Variants in GPHN observed in about 807,000 individuals in gnomAD.
GPHN encodes gephyrin.
A neutral mutation model predicts 95.5 loss-of-function variants in GPHN; 17 were observed. That is an observed-to-expected ratio of 0.18 (90% CI 0.12 to 0.27). The LOEUF (loss-of-function observed/expected upper bound fraction) is 0.27, where lower values mean the gene tolerates loss of function less well. Ranked by LOEUF, GPHN falls within the 10% of genes least tolerant of loss-of-function variation. GPHN has a pLI of 1.00. For synonymous variants in GPHN, 320 were observed against 322.5 expected, an observed-to-expected ratio of 0.99 and a Z score of 0.08; for missense variants, 660 against 978.1, an observed-to-expected ratio of 0.67 and a Z score of 4.34.
intron 8 of GPHN, among the ~76,000 whole-genome samples, chr14:66,955,616 A>G (rs1172187820): frequency 6.6e-6 from 1 of 152,144 alleles, no homozygotes; most frequent in Non-Finnish European, 1.5e-5. Context: ...TTTGTTACAT[A>G]TGTATACATG....
At chr14:67,560,095 C>G in the GPHN span, among the ~76,000 whole-genome samples, 1 of 152,164 alleles carries the variant, frequency 6.6e-6, no homozygotes, top group African/African-American at 2.4e-5. Flanking sequence ...GGCGCAATCT[C>G]GGCTTACCGC....
chr14:67,401,095 A>G, the GPHN span, among the ~76,000 whole-genome samples: 9 of 152,146 alleles, frequency 5.9e-5, no homozygotes, highest in South Asian at 2.1e-4. Flanking sequence ...TGAGACTGGG[A>G]ATGTATTTGG....
At chr14:67,266,855 A>G in the GPHN span, among the ~76,000 whole-genome samples, 1 of 152,004 alleles carries the variant, frequency 6.6e-6, no homozygotes, top group Non-Finnish European at 1.5e-5. Flanking sequence ...CATGCCTGTA[A>G]TCCCAGCATG....
chr14:67,505,567 G>T, the GPHN span, among the ~76,000 whole-genome samples: 1 of 152,162 alleles, frequency 6.6e-6, no homozygotes, highest in Non-Finnish European at 1.5e-5. Flanking sequence ...ACTAATGTGG[G>T]CTGGCATGAG....
the GPHN span, chr14:67,343,259 GA>G: frequency 8.0e-6 from 6 of 751,268 alleles, no homozygotes; most frequent in Non-Finnish European, 1.3e-5. Context: ...GTGGGCAAGG[GA>G]AGCATCTTAT....
intron 11 of GPHN, among the ~76,000 whole-genome samples, chr14:67,074,481 T>G (rs541554744): frequency 6.6e-6 from 1 of 152,132 alleles, no homozygotes; most frequent in Non-Finnish European, 1.5e-5. Flanking sequence ...GCTGTTCCCT[T>G]TTCTCCCTCT....
chr14:67,473,324 A>G, the GPHN span: 2 of 1,511,702 alleles, frequency 1.3e-6, no homozygotes, highest in Non-Finnish European at 1.8e-6. The surrounding 1 kb of genome is among the most constrained non-coding windows in gnomAD (Gnocchi z 6.5). Context: ...TGGCCGGAGC[A>G]GGGCTTTTGC....
At chr14:66,560,414 A>G (rs371151311) in intron 1 of GPHN, among the ~76,000 whole-genome samples, 1 of 151,860 alleles carries the variant, frequency 6.6e-6, no homozygotes, top group Non-Finnish European at 1.5e-5. Flanking sequence ...CTTTTATTTC[A>G]TTGAGCAGTG....
At position 66,796,913 on chromosome 14, in the gene GPHN, A is replaced by T. The variant is rs865949269; in HGVS notation, c.201+20392A>T. 4.3e-4 allele frequency among the ~76,000 whole-genome samples: 65 copies of T among 151,048 alleles called. 1 individual carries two copies. The highest frequency in any genetic ancestry group is 4.0e-4 in the Admixed American group (6 of 15,146). On this transcript the variant is annotated intron_variant, in intron 3 of 22. Coordinates refer to ENST00000478722, the MANE Select transcript of GPHN (RefSeq NM_020806.5). Reference sequence around the variant, plus strand: ...CTTTGCCCAGATCAATGTCCTGGAGAGTTTCCCCTATGTTTTCTTGTAGTT... The same window carrying T: ...CTTTGCCCAGATCAATGTCCTGGAGTGTTTCCCCTATGTTTTCTTGTAGTT...
chr14:66,931,453 GTC>G lies in GPHN; in HGVS notation c.828+7177_828+7178del, dbSNP rs148521427. On this transcript the variant is annotated intron_variant, in intron 8 of 22. Coordinates refer to ENST00000478722, the MANE Select transcript of GPHN (RefSeq NM_020806.5). ...GAATAACCTTTCTACCCTGATCTCA[GTC>G]TCTCTCTCTCTCTCTACCTTTTCTT... is the stretch of plus-strand genomic sequence containing the variant. Among the ~76,000 whole-genome samples the G allele has an allele frequency of 2.4e-3, 354 of 149,906 alleles. 12 individuals are homozygous for G. In the East Asian group the frequency reaches 0.061, roughly 26 times the overall value.
intron 5 of GPHN, among the ~76,000 whole-genome samples, chr14:66,911,423 T>C (rs142972628): frequency 9.7e-4 from 148 of 152,164 alleles, no homozygotes; most frequent in Non-Finnish European, 1.9e-3. Flanking sequence ...TTGTATGGTA[T>C]ATGAATTTTA....
intron 10 of GPHN, among the ~76,000 whole-genome samples, chr14:67,025,571 T>C (rs1024251372): frequency 2.6e-5 from 4 of 152,188 alleles, no homozygotes; most frequent in Non-Finnish European, 5.9e-5. Flanking sequence ...GAAACAAAAT[T>C]GCAAACAACT....
At chr14:67,059,016 A>G in intron 11 of GPHN, 1 of 366,480 alleles carries the variant, frequency 2.7e-6, no homozygotes, top group Non-Finnish European at 4.9e-6. Context: ...AAAAAAAGGA[A>G]AAAAAAAAAA....
chr14:66,874,292 A>T, intron 4 of GPHN, among the ~76,000 whole-genome samples: 1 of 152,214 alleles, frequency 6.6e-6, no homozygotes, highest in East Asian at 1.9e-4. Context: ...ATCCACAAAG[A>T]TGACCAAAAA....
the GPHN span, chr14:67,701,966 A>G: frequency 9.2e-5 from 14 of 151,758 alleles, no homozygotes; most frequent in African/African-American, 3.1e-4. Flanking sequence ...CTAATTTTCA[A>G]AATTTTTGTA....
intron 1 of GPHN, among the ~76,000 whole-genome samples, chr14:66,619,207 T>C (rs1217206301): frequency 6.6e-6 from 1 of 152,222 alleles, no homozygotes; most frequent in Non-Finnish European, 1.5e-5. Flanking sequence ...AGTCTTTGTA[T>C]AGACATTTAC....
intron 1 of GPHN, among the ~76,000 whole-genome samples, chr14:66,522,027 TC>T (rs2058504734): frequency 1.3e-5 from 2 of 152,150 alleles, no homozygotes; most frequent in African/African-American, 4.8e-5. Flanking sequence ...ATGAAAATGC[TC>T]CTCTGGCAGA....
At chr14:67,625,680 C>CAAAAAAAAAA in the GPHN span, among the ~76,000 whole-genome samples, 1 of 32,112 alleles carries the variant, frequency 3.1e-5, no homozygotes, top group African/African-American at 1.0e-4. Context: ...AACTCCATCT[C>CAAAAAAAAAA]AAAAAAAAAA....
At chr14:66,778,350 G>A (rs901654330) in intron 3 of GPHN, among the ~76,000 whole-genome samples, 2 of 152,116 alleles carry the variant, frequency 1.3e-5, no homozygotes, top group African/African-American at 4.8e-5. Flanking sequence ...ATTTTTCTGG[G>A]TTCCTTTGAA....
Sources: gnomAD v4.1 joint callset for allele counts (sites outside exome capture counted in the v4.1 genomes callset) on GRCh38, gnomAD v4.1.1 for gene constraint, Gnocchi (gnomAD v3.1) non-coding constraint, MANE v1.5 for transcripts, NCBI Gene and HGNC (gene_info 2026-07-23, HGNC 2026-07-21) for gene names.